The following MYO18A variants were observed in gnomAD, a reference collection of about 807,000 sequenced individuals.
MYO18A encodes the protein unconventional myosin-XVIIIa.
MYO18A carries 78 observed loss-of-function variants against 235.8 expected under a neutral mutation model. The observed-to-expected ratio is 0.33, with a 90% CI of 0.28 to 0.40. MYO18A has a LOEUF of 0.40. Ranked by LOEUF, MYO18A falls within the 10% of genes least tolerant of loss-of-function variation. The probability of loss-of-function intolerance (pLI) is 1.00; values close to 1 mark genes in which losing one functional copy is unlikely to be tolerated. For synonymous variants in MYO18A, 977 were observed against 1,077.8 expected, an observed-to-expected ratio of 0.91 and a Z score of 1.83; for missense variants, 2,215 against 2,699.3, an observed-to-expected ratio of 0.82 and a Z score of 3.98.
rs998522314 is a variant in MYO18A, at chr17:29,071,520, C to A, written c.*3250G>T. 2 of 152,172 alleles carry A rather than the reference C, an allele frequency of 1.3e-5. No individual in the cohort carries two copies. Among genetic ancestry groups the A allele is most frequent in the Non-Finnish European group, 2.9e-5 (2 of 68,036 alleles). The allele number at this position is 152,172 out of a possible 1,614,324, so 9.4% of individuals were successfully genotyped here. On this transcript the variant is annotated 3_prime_UTR_variant, in exon 42 of 42. Transcript: ENST00000527372. The stretch of plus-strand genomic sequence containing the variant: ...AGCCTGTGGCATGTTCTACCAGCAC[C>A]TCTCTTTCCCTGCCCCAGGACCTTT...
chr17:29,098,120 C>T lies in MYO18A; in HGVS notation c.3975G>A (p.Glu1325=). 4.3e-6 allele frequency: 7 copies of T among 1,613,568 alleles called. No homozygotes were observed. Among genetic ancestry groups the T allele is most frequent in the Non-Finnish European group, 5.9e-6 (7 of 1,179,888 alleles). ...CTGCCCTCACCTGCAGTTCCTTCATCTCCTTCTCAGCCCGGAGCCTCTCTG... is the reference window on the plus strand; with the variant it reads ...CTGCCCTCACCTGCAGTTCCTTCATTTCCTTCTCAGCCCGGAGCCTCTCTG... The part of the protein sequence containing the change: ...ETAERLRAEK[E]MKELQTQYDA... The change falls in exon 25 of 42, where the codon GAG becomes GAA. Residue 1325 remains glutamate (E), a synonymous_variant. Transcript: ENST00000527372.
At chr17:29,119,054 C>T (rs532156484) in intron 8 of MYO18A, among the ~76,000 whole-genome samples, 6 of 152,246 alleles carry the variant, frequency 3.9e-5, no homozygotes, top group African/African-American at 1.4e-4. Context: ...AATGGAGATC[C>T]TAGCTAGGCC....
At chr17:29,164,178 CCA>C (rs763481446) in intron 2 of MYO18A, among the ~76,000 whole-genome samples, 17 of 152,252 alleles carry the variant, frequency 1.1e-4, no homozygotes, top group Non-Finnish European at 2.2e-4. Context: ...GCGTGAGCCA[CCA>C]CCACCCAGCC....
rs1245478045 is a variant in MYO18A, at chr17:29,099,660, C to T, written c.3610G>A (p.Ala1204Thr). ...LFQAACRGYL[A>T]RQHFKKRKIQ... ...TTTCTCTTCTTGAAGTGCTGGCGGGCCAGGTAGCCCCTGCAGGCTGCTTGG... is the reference window on the plus strand; with the variant it reads ...TTTCTCTTCTTGAAGTGCTGGCGGGTCAGGTAGCCCCTGCAGGCTGCTTGG... Residue 1204 changes from alanine to threonine, a missense_variant, in exon 22 of 42, where the codon GCC (alanine) becomes ACC (threonine). Transcript: ENST00000527372. 1 of 1,613,634 alleles carries T rather than the reference C, an allele frequency of 6.2e-7. No homozygotes were observed. Among genetic ancestry groups the T allele is most frequent in the South Asian group, 1.1e-5 (1 of 91,054 alleles).
rs759582161 is a variant in MYO18A at position 29,121,770 on chromosome 17, C to G, written c.1195-47G>C. 1.2e-6 allele frequency: 2 copies of G among 1,601,940 alleles called. No individual in the cohort carries two copies. The highest frequency in any genetic ancestry group is 2.2e-5 in the South Asian group (2 of 90,102). Reference sequence around the variant, plus strand: ...TGGGTATTAGAGCAGCAGAGCCCATCTCCGCTGCCAGAGGATGGGCCTGCC... The same window carrying G: ...TGGGTATTAGAGCAGCAGAGCCCATGTCCGCTGCCAGAGGATGGGCCTGCC... On this transcript the variant is annotated intron_variant, in intron 4 of 41. Transcript: ENST00000527372. The surrounding 1 kb of genome is among the most constrained non-coding windows in gnomAD (Gnocchi z 4.2).
At chr17:29,134,643 C>T (rs1440611009) in intron 2 of MYO18A, among the ~76,000 whole-genome samples, 1 of 152,174 alleles carries the variant, frequency 6.6e-6, no homozygotes, top group Non-Finnish European at 1.5e-5. Context: ...CTGCCTCAGC[C>T]TCCCAGGTAG....
At chr17:29,168,445 C>A (rs2068329257) in intron 1 of MYO18A, among the ~76,000 whole-genome samples, 1 of 150,744 alleles carries the variant, frequency 6.6e-6, no homozygotes, top group African/African-American at 2.4e-5. Flanking sequence ...TAGGCCATGC[C>A]ACCTAATTGG....
At chr17:29,085,761 A>G in intron 39 of MYO18A, 113 bp from the exon 40 acceptor site, 11 of 1,069,446 alleles carry the variant, frequency 1.0e-5, no homozygotes, top group Non-Finnish European at 1.4e-5. Flanking sequence ...AGCAAGAGCC[A>G]GCTCTGGCTG....
rs553612083 is a variant in MYO18A at position 29,117,859 on chromosome 17, G to A, written c.2038+186C>T. 3.3e-4 allele frequency among the ~76,000 whole-genome samples: 50 copies of A among 152,236 alleles called. No homozygotes were observed. Among genetic ancestry groups the A allele is most frequent in the Admixed American group, 5.2e-4 (8 of 15,294 alleles). On this transcript the variant is annotated intron_variant, in intron 10 of 41. Transcript: ENST00000527372. The surrounding 1 kb of genome is among the most constrained non-coding windows in gnomAD (Gnocchi z 4.6). The stretch of plus-strand genomic sequence containing the variant: ...GCCAGCTAAGTCCAGGCCTCGGGTC[G>A]TCACTGCCAAAGATGCTTCCCGGGC...
chr17:29,118,274 C>T lies in MYO18A; in HGVS notation c.1894-85G>A, dbSNP rs2067120058. On this transcript the variant is annotated intron_variant, in intron 9 of 41. Transcript: ENST00000527372. This position sits in a 1 kb window ranked among gnomAD's most constrained non-coding sequence, Gnocchi z 4.2. ...CCCTCAGGGCAAGGCTTGGGTAGAGCCAGCAGCTGGAGCTGGGCTCCCACT... is the reference window on the plus strand; with the variant it reads ...CCCTCAGGGCAAGGCTTGGGTAGAGTCAGCAGCTGGAGCTGGGCTCCCACT... 6.4e-7 allele frequency: 1 copy of T among 1,552,074 alleles called. No individual in the cohort carries two copies. Among genetic ancestry groups the T allele is most frequent in the Non-Finnish European group, 8.7e-7 (1 of 1,143,526 alleles).
chr17:29,174,296 A>G (rs1337479552), intron 1 of MYO18A, among the ~76,000 whole-genome samples: 1 of 151,858 alleles, frequency 6.6e-6, no homozygotes, highest in East Asian at 2.0e-4. Context: ...GCTTGAGTCC[A>G]GGAGTTTGAG....
intron 34 of MYO18A, chr17:29,091,607 A>G (rs949561914): frequency 1.1e-5 from 5 of 454,652 alleles, no homozygotes; most frequent in African/African-American, 1.0e-4. Context: ...TTTTAACACA[A>G]TTAAGGAATT....
chr17:29,078,804 A>C (rs952945348), intron 41 of MYO18A: 1 of 152,292 alleles, frequency 6.6e-6, no homozygotes, highest in African/African-American at 2.4e-5. Flanking sequence ...CCCTCCCCAC[A>C]GGGAGAAGAG....
chr17:29,088,759 C>T (rs2066321408), intron 37 of MYO18A, among the ~76,000 whole-genome samples: 1 of 152,170 alleles, frequency 6.6e-6, no homozygotes, highest in Non-Finnish European at 1.5e-5. Context: ...AAGGATTGGT[C>T]CAGCATGGTG....
chr17:29,074,342 C>G lies in MYO18A; in HGVS notation c.*428G>C. ...AAGAAGAGAGAGCCCCCACCCCACA[C>G]GAGAGGGAAGGCACTGCTTCTCCTC... On this transcript the variant is annotated 3_prime_UTR_variant, in exon 42 of 42. Coordinates refer to ENST00000527372, the MANE Select transcript of MYO18A (RefSeq NM_078471.4). This position sits in a 1 kb window ranked among gnomAD's most constrained non-coding sequence, Gnocchi z 4.4. 1.3e-6 allele frequency: 1 copy of G among 776,718 alleles called. No homozygotes were observed. Among genetic ancestry groups the G allele is most frequent in the South Asian group, 1.9e-5 (1 of 51,296 alleles). 48.1% of individuals were successfully genotyped at this position (776,718 alleles called of 1,614,324 possible).
rs535244406 is a variant in MYO18A at position 29,169,141 on chromosome 17, C to T, written c.-81-2120G>A. On this transcript the variant is annotated intron_variant, in intron 1 of 41. Coordinates refer to ENST00000527372, the MANE Select transcript of MYO18A (RefSeq NM_078471.4). The stretch of plus-strand genomic sequence containing the variant: ...CTCGGCTCACTGCAACCTCTGCCTC[C>T]CAGGGTTCACGCCATTCTCCTGCCT... Among the ~76,000 whole-genome samples the T allele has an allele frequency of 1.4e-3, 219 of 152,040 alleles. 1 individual carries two copies. The highest frequency in any genetic ancestry group is 1.7e-3 in the Non-Finnish European group (118 of 67,950).
In MYO18A at chr17:29,114,965, C is replaced by T. The variant is rs776591382; in HGVS notation, c.2453G>A (p.Arg818Gln). The change falls in exon 14 of 42, where the codon CGG becomes CAG. Residue 818 changes from arginine (R) to glutamine (Q), a missense_variant. Arg to Gln is a conservative substitution (Grantham distance 43, BLOSUM62 1). Coordinates refer to ENST00000527372, the MANE Select transcript of MYO18A (RefSeq NM_078471.4). ...EELCHNYTQD[R>Q]LQRLFHERTF... ...GCGCTCGTGGAAGAGCCTCTGCAGC[C>T]GGTCTTGGGTGTAGTTGTGGCACAG... The T allele has an allele frequency of 5.6e-6, 9 of 1,614,022 alleles. No homozygotes were observed. The highest frequency in any genetic ancestry group is 3.3e-5 in the South Asian group (3 of 91,084).
At chr17:29,087,807 G>A (rs2066292518) in intron 37 of MYO18A, among the ~76,000 whole-genome samples, 1 of 151,666 alleles carries the variant, frequency 6.6e-6, no homozygotes, top group African/African-American at 2.4e-5. Flanking sequence ...AACATCCTAT[G>A]AGTCTAAACC....
At chr17:29,085,736 G>C in intron 39 of MYO18A, 88 bp from the exon 40 acceptor site, 1 of 1,351,442 alleles carries the variant, frequency 7.4e-7, no homozygotes, top group East Asian at 2.3e-5. Flanking sequence ...CTTAGCTGAA[G>C]ACCTCTCTTC....
Sources: allele counts gnomAD v4.1 joint callset (sites outside exome capture counted in the v4.1 genomes callset), GRCh38; gene constraint gnomAD v4.1.1; non-coding constraint Gnocchi (gnomAD v3.1); transcripts MANE v1.5; gene names NCBI Gene and HGNC (gene_info 2026-07-23, HGNC 2026-07-21).